CHEK1: variants seen among roughly 807,000 people sequenced by gnomAD.
CHEK1 encodes serine/threonine-protein kinase Chk1.
Under a neutral mutation model 60.2 loss-of-function variants are expected in CHEK1, and 32 were observed. That is an observed-to-expected ratio of 0.53 (90% confidence interval 0.40 to 0.71). The LOEUF (loss-of-function observed/expected upper bound fraction) is 0.71. Among genes scored for constraint, CHEK1 ranks in the 30% least tolerant of loss-of-function variants. CHEK1 has a pLI of 0.00. For missense variants in CHEK1, 399 were observed against 564.6 expected (o/e 0.71, Z 2.97); for synonymous variants, 179 against 187.2 (o/e 0.96, Z 0.36).
chr11:125,680,328 T>G (rs1301242279), downstream of CHEK1, among the ~76,000 whole-genome samples: 3 of 152,296 alleles, frequency 2.0e-5, no homozygotes, highest in South Asian at 2.1e-4. Flanking sequence ...GTTCTGAGGT[T>G]GTTTTCTGAA....
chr11:125,656,158 A>G lies in CHEK1; in HGVS notation c.*838A>G, dbSNP rs151312608. Reference sequence around the variant, plus strand: ...GTTCCTTTACCTGTTAGACTTACAAAAAGTTTGTTTTTCTAATAAAATTTG... The same window carrying G: ...GTTCCTTTACCTGTTAGACTTACAAGAAGTTTGTTTTTCTAATAAAATTTG... On this transcript the variant is annotated 3_prime_UTR_variant, in exon 13 of 13. Coordinates refer to ENST00000438015, the MANE Select transcript of CHEK1 (RefSeq NM_001114122.3). 2.9e-5 allele frequency: 6 copies of G among 210,382 alleles called. No individual in the cohort carries two copies. The highest frequency in any genetic ancestry group is 1.8e-4 in the Admixed American group (3 of 17,018). 13.0% of individuals were successfully genotyped at this position (210,382 alleles called of 1,614,324 possible).
At chr11:125,675,463 C>CTGCA (rs1942457910) in intron 13 of CHEK1, among the ~76,000 whole-genome samples, 1 of 152,110 alleles carries the variant, frequency 6.6e-6, no homozygotes, top group South Asian at 2.1e-4. Flanking sequence ...GGATGAATGT[C>CTGCA]TGCATGTAGA....
In CHEK1 at chr11:125,653,864, T is replaced by C; in HGVS notation, c.1335+17T>C. On this transcript the variant is annotated intron_variant, in intron 12 of 12. Transcript: ENST00000438015. The surrounding 1 kb of genome is among the most constrained non-coding windows in gnomAD (Gnocchi z 4.3). ...CTTTCTAAGGTATTTTTATGTTTTA[T>C]TGTATTCTTTCTATGGAAATATTTC... 7.4e-7 allele frequency: 1 copy of C among 1,359,334 alleles called. No individual in the cohort carries two copies. The highest frequency in any genetic ancestry group is 2.3e-5 in the East Asian group (1 of 42,618). 84.2% of individuals were successfully genotyped at this position (1,359,334 alleles called of 1,614,324 possible).
At position 125,627,722 on chromosome 11, in the gene CHEK1, A is replaced by G; in HGVS notation, c.181A>G (p.Met61Val). The change falls in exon 3 of 13, where the codon ATG (methionine) becomes GTG (valine). Residue 61 changes from methionine to valine, a missense_variant. Physicochemically the swap from Met to Val is conservative, Grantham distance 21 (BLOSUM62 1). This residue lies in a region of CHEK1 where 370 missense variants were observed against 494.8 expected (regional missense o/e 0.75). Coordinates refer to ENST00000438015, the MANE Select transcript of CHEK1 (RefSeq NM_001114122.3). ...TAAGAAAGAGATCTGTATCAATAAA[A>G]TGCTAAATCATGAAAATGTAGTAAA... ...NIKKEICINK[M>V]LNHENVVKFY... The G allele has an allele frequency of 6.2e-7, 1 of 1,613,830 alleles. No homozygotes were observed. Among genetic ancestry groups the G allele is most frequent in the African/African-American group, 1.3e-5 (1 of 75,064 alleles).
chr11:125,628,272 ATTGC>A (rs961676828), intron 3 of CHEK1, among the ~76,000 whole-genome samples: 2 of 152,158 alleles, frequency 1.3e-5, no homozygotes, highest in African/African-American at 4.8e-5. Context: ...ATTTTCTAGG[ATTGC>A]TTTTTGTATA....
At chr11:125,629,106 CT>C (rs1940752810) in intron 3 of CHEK1, 125 bp from the exon 4 acceptor site, 1 of 847,014 alleles carries the variant, frequency 1.2e-6, no homozygotes, top group Non-Finnish European at 1.9e-6. Flanking sequence ...ACTCCTGAAT[CT>C]TTTGTTGGCA....
downstream of CHEK1, among the ~76,000 whole-genome samples, chr11:125,661,991 A>T (rs1840394905): frequency 6.6e-6 from 1 of 152,186 alleles, no homozygotes; most frequent in African/African-American, 2.4e-5. Context: ...AAGATAGGAC[A>T]TTTCCATCAG....
At chr11:125,670,965 T>A (rs1251463525) in intron 13 of CHEK1, among the ~76,000 whole-genome samples, 1 of 152,112 alleles carries the variant, frequency 6.6e-6, no homozygotes, top group African/African-American at 2.4e-5. Context: ...TTAAGATGAG[T>A]CTCACTATGT....
At chr11:125,634,015 T>TTTC (rs59629339) in intron 6 of CHEK1, among the ~76,000 whole-genome samples, 1 of 150,626 alleles carries the variant, frequency 6.6e-6, no homozygotes, top group Admixed American at 6.6e-5. Context: ...TTTTTTTTTT[T>TTTC]AGACCAGAGT....
intron 13 of CHEK1, chr11:125,675,792 C>A (rs1191279177): frequency 6.5e-6 from 1 of 152,948 alleles, no homozygotes; most frequent in African/African-American, 2.4e-5. Context: ...CAACACATTG[C>A]TTTAATGGGA....
chr11:125,659,514 G>A (rs971627993), downstream of CHEK1, among the ~76,000 whole-genome samples: 1 of 151,522 alleles, frequency 6.6e-6, no homozygotes, highest in Admixed American at 6.6e-5. Flanking sequence ...ATTTTTATGT[G>A]TACTATTTTT....
chr11:125,634,524 C>T (rs1056007710), intron 6 of CHEK1, among the ~76,000 whole-genome samples: 43 of 151,910 alleles, frequency 2.8e-4, no homozygotes, highest in African/African-American at 1.0e-3. Flanking sequence ...ACGGTCTCTC[C>T]ATGTTACGTA....
intron 1 of CHEK1, chr11:125,626,379 C>T: frequency 2.3e-6 from 1 of 431,968 alleles, no homozygotes; most frequent in Admixed American, 3.8e-5. Context: ...GTTTTCTGCC[C>T]CATACCGCTC....
chr11:125,635,557 A>G (rs1376306563), intron 7 of CHEK1, 24 bp downstream of exon 7: 7 of 1,451,728 alleles, frequency 4.8e-6, no homozygotes, highest in Non-Finnish European at 6.6e-6. Context: ...CTTGAGTGAA[A>G]GAGTACCGAT....
chr11:125,670,021 CTTTAT>C (rs1942173665), intron 13 of CHEK1, among the ~76,000 whole-genome samples: 2 of 152,152 alleles, frequency 1.3e-5, no homozygotes, highest in African/African-American at 2.4e-5. Context: ...TTCACTGAAG[CTTTAT>C]TTTAATTCTT....
intron 13 of CHEK1, among the ~76,000 whole-genome samples, chr11:125,674,651 G>A (rs1942395917): frequency 6.6e-6 from 1 of 152,138 alleles, no homozygotes; most frequent in Non-Finnish European, 1.5e-5. Context: ...TGCTTCTAAG[G>A]TAATCTTCCT....
At position 125,644,264 on chromosome 11, in the gene CHEK1, C is replaced by T. The variant is rs542436508; in HGVS notation, c.1097C>T (p.Ser366Leu). 1.9e-6 allele frequency: 3 copies of T among 1,609,192 alleles called. No individual in the cohort carries two copies. The highest frequency in any genetic ancestry group is 2.5e-6 in the Non-Finnish European group (3 of 1,178,836). ...CAGTTACTTGGCACCCCAGGATCCT[C>T]ACAGGTGAGGGAATTTAATTTTTTA... ...NSQLLGTPGS[S>L]QNPWQRLVKR... The change falls in exon 10 of 13, where the codon TCA (serine) becomes TTA (leucine). Residue 366 changes from serine (S) to leucine (L), a missense_variant. Physicochemically the swap from Ser to Leu is moderately radical, Grantham distance 145. Transcript: ENST00000438015.
rs184826387 is a variant in CHEK1 at position 125,651,047 on chromosome 11, G to A, written c.1234-2699G>A. On this transcript the variant is annotated intron_variant, in intron 11 of 12. Transcript: ENST00000438015. ...TATGTACTGCCCTGGTCATGGGTGT[G>A]TCTTTTTAGATTCCCAGGTATATGT... is the stretch of plus-strand genomic sequence containing the variant. 3.3e-5 allele frequency among the ~76,000 whole-genome samples: 5 copies of A among 152,154 alleles called. No homozygotes were observed. The East Asian group carries it at 9.7e-4, about 30-fold the overall frequency.
At chr11:125,677,677 T>C (rs1340106133), downstream of CHEK1, 4 of 1,331,272 alleles carry the variant, frequency 3.0e-6, no homozygotes, top group Non-Finnish European at 4.1e-6. Flanking sequence ...TTGAGAGAGC[T>C]GTTTGTGAAG....
Sources: gnomAD v4.1 joint callset for allele counts (sites outside exome capture counted in the v4.1 genomes callset) on GRCh38, gnomAD v4.1.1 for gene constraint, gnomAD v4.1.1 regional missense constraint, Gnocchi (gnomAD v3.1) non-coding constraint, MANE v1.5 for transcripts, NCBI Gene and HGNC (gene_info 2026-07-23, HGNC 2026-07-21) for gene names.